The following C12orf42 variants were observed in gnomAD, a reference collection of about 807,000 sequenced individuals.
C12orf42 encodes uncharacterized protein C12orf42.
Under a neutral mutation model 21.6 loss-of-function variants are expected in C12orf42, and 25 were observed. The observed-to-expected ratio is 1.16, with a 90% CI of 0.84 to 1.62. The LOEUF (loss-of-function observed/expected upper bound fraction) is 1.62. C12orf42 is among the 40% of genes most tolerant of loss of function. The pLI, the probability that C12orf42 is intolerant of heterozygous loss-of-function variation, is 0.00. For synonymous variants in C12orf42, 174 were observed against 175.0 expected, an observed-to-expected ratio of 0.99 and a Z score of 0.05; for missense variants, 483 against 459.3, an observed-to-expected ratio of 1.05 and a Z score of -0.47.
intron 2 of C12orf42, among the ~76,000 whole-genome samples, chr12:103,415,351 A>T (rs560131778): frequency 6.6e-6 from 1 of 152,304 alleles, no homozygotes; most frequent in East Asian, 1.9e-4. Flanking sequence ...CCCCACTGAC[A>T]GCATTAGACA....
At chr12:103,160,724 C>T in the C12orf42 span, among the ~76,000 whole-genome samples, 1 of 152,214 alleles carries the variant, frequency 6.6e-6, no homozygotes. Context: ...AGCTAGACTT[C>T]ACAGATGATT....
intron 4 of C12orf42, among the ~76,000 whole-genome samples, chr12:103,332,565 T>C (rs185026350): frequency 2.6e-5 from 4 of 152,258 alleles, no homozygotes; most frequent in South Asian, 2.1e-4. Flanking sequence ...CCTGAAAATA[T>C]TTTGGTTATG....
At chr12:103,274,498 G>C (rs1157987579) in intron 5 of C12orf42, among the ~76,000 whole-genome samples, 2 of 152,078 alleles carry the variant, frequency 1.3e-5, no homozygotes, top group African/African-American at 4.8e-5. Flanking sequence ...TCAGTCTATA[G>C]AGCTAGAATT....
chr12:103,323,208 C>T (rs76066493), intron 4 of C12orf42, among the ~76,000 whole-genome samples: 3,143 of 152,188 alleles, frequency 0.021, 100 homozygotes, highest in African/African-American at 0.071. Flanking sequence ...TGTATGACTC[C>T]TAAATGCTAT....
the C12orf42 span, among the ~76,000 whole-genome samples, chr12:103,519,104 T>C: frequency 1.3e-5 from 2 of 151,986 alleles, no homozygotes; most frequent in African/African-American, 4.8e-5. Flanking sequence ...TCATAAGGAG[T>C]TCTTCCCCTT....
At chr12:103,514,763 C>T in the C12orf42 span, among the ~76,000 whole-genome samples, 1 of 137,952 alleles carries the variant, frequency 7.2e-6, no homozygotes, top group Non-Finnish European at 1.5e-5. Flanking sequence ...TAGTATAAAA[C>T]CCCTAAATCC....
At chr12:103,150,837 A>C in the C12orf42 span, among the ~76,000 whole-genome samples, 3 of 152,198 alleles carry the variant, frequency 2.0e-5, no homozygotes, top group African/African-American at 4.8e-5. Context: ...ACTCATATAC[A>C]TATATTTTTC....
the C12orf42 span, among the ~76,000 whole-genome samples, chr12:103,092,356 C>A: frequency 3.3e-5 from 5 of 152,000 alleles, no homozygotes; most frequent in Non-Finnish European, 7.4e-5. Context: ...TTAGTTTGCA[C>A]GGGGGGAAAA....
rs140009119 is a variant in C12orf42, at chr12:103,433,011, C to T, written c.79-31336G>A. 6.6e-3 allele frequency among the ~76,000 whole-genome samples: 1,006 copies of T among 152,232 alleles called. 5 individuals are homozygous for T. Among genetic ancestry groups the T allele is most frequent in the Non-Finnish European group, 9.5e-3 (648 of 68,022 alleles). On this transcript the variant is annotated intron_variant, in intron 2 of 5. Transcript: ENST00000548883. ...TTAAAACCATAAAGAAAAAGCAACC[C>T]GAAGCACAGGACTCCCAGTGAAATA...
the C12orf42 span, among the ~76,000 whole-genome samples, chr12:103,501,642 C>T: frequency 2.3e-4 from 35 of 152,230 alleles, no homozygotes; most frequent in East Asian, 3.9e-4. Flanking sequence ...GTGTACATTG[C>T]GCAACTCTAG....
rs185826212 is a variant in C12orf42 at position 103,302,749 on chromosome 12, C to T, written c.632-190G>A. ...ATATTTCTCTAAGAAAACAAAAATG[C>T]TATCCATTCCTTTCCTGTTCTTTGA... On this transcript the variant is annotated intron_variant, in intron 5 of 5. Transcript: ENST00000548883. Among the ~76,000 whole-genome samples the T allele has an allele frequency of 7.1e-4, 107 of 150,948 alleles. No homozygotes were observed. The Middle Eastern group carries it at 0.01, about 15-fold the overall frequency.
At chr12:103,453,955 A>G (rs1190599164) in intron 2 of C12orf42, among the ~76,000 whole-genome samples, 1 of 152,106 alleles carries the variant, frequency 6.6e-6, no homozygotes, top group African/African-American at 2.4e-5. Flanking sequence ...GAGAGAAAAC[A>G]CCAATTTTAA....
chr12:103,189,659 T>C, the C12orf42 span, among the ~76,000 whole-genome samples: 25 of 152,184 alleles, frequency 1.6e-4, no homozygotes, highest in African/African-American at 5.8e-4. Flanking sequence ...AAAATGAACA[T>C]CCAACTTCCT....
chr12:103,213,630 T>C, the C12orf42 span, among the ~76,000 whole-genome samples: 2 of 152,188 alleles, frequency 1.3e-5, no homozygotes, highest in Non-Finnish European at 2.9e-5. Context: ...TTCGTGCAGT[T>C]GTACCATCTT....
the C12orf42 span, among the ~76,000 whole-genome samples, chr12:103,182,146 A>G: frequency 1.3e-5 from 2 of 149,960 alleles, no homozygotes; most frequent in African/African-American, 2.5e-5. Flanking sequence ...AGGCTGCTAA[A>G]AAAGCAAAAA....
At chr12:103,378,532 C>T (rs765533876) in intron 3 of C12orf42, among the ~76,000 whole-genome samples, 1 of 152,176 alleles carries the variant, frequency 6.6e-6, no homozygotes, top group Non-Finnish European at 1.5e-5. Context: ...TTGCAGGTAC[C>T]TGGACCTCAG....
At chr12:103,376,750 A>G (rs964572163) in intron 3 of C12orf42, among the ~76,000 whole-genome samples, 7 of 152,100 alleles carry the variant, frequency 4.6e-5, no homozygotes, top group Non-Finnish European at 8.8e-5. Context: ...ATTATAACAA[A>G]GTGTCTTAGT....
At position 103,401,591 on chromosome 12, in the gene C12orf42, C is replaced by T. The variant is rs759857795; in HGVS notation, c.147+16G>A. The T allele has an allele frequency of 1.9e-6, 3 of 1,612,464 alleles. No homozygotes were observed. The highest frequency in any genetic ancestry group is 1.3e-5 in the African/African-American group (1 of 74,910). Reference sequence around the variant, plus strand: ...CACTATGGAGCAGCCCTGCACATAACATTCCGCTGACTCACCTTTGCACTG... The same window carrying T: ...CACTATGGAGCAGCCCTGCACATAATATTCCGCTGACTCACCTTTGCACTG... On this transcript the variant is annotated intron_variant, in intron 3 of 5. Coordinates refer to ENST00000548883, the MANE Select transcript of C12orf42 (RefSeq NM_198521.5).
chr12:103,273,407 A>T (rs1436209054), intron 5 of C12orf42, among the ~76,000 whole-genome samples: 2 of 152,230 alleles, frequency 1.3e-5, no homozygotes, highest in Non-Finnish European at 2.9e-5. Context: ...TGCTTTAAGT[A>T]GTTATTTTAA....
Sources: allele counts gnomAD v4.1 joint callset (sites outside exome capture counted in the v4.1 genomes callset), GRCh38; gene constraint gnomAD v4.1.1; transcripts MANE v1.5; gene names NCBI Gene and HGNC (gene_info 2026-07-23, HGNC 2026-07-21).